Variants in PPFIA4 observed in about 807,000 individuals in gnomAD.
PPFIA4 encodes the protein PPFI scaffold protein A4.
In PPFIA4, 98 loss-of-function variants were observed where a neutral mutation model predicts 145.7. The observed-to-expected ratio is 0.67, with a 90% CI of 0.57 to 0.80. The LOEUF (loss-of-function observed/expected upper bound fraction) is 0.80, where lower values mean the gene tolerates loss of function less well. Ranked by LOEUF, PPFIA4 falls within the 30% of genes least tolerant of loss-of-function variation. PPFIA4 has a pLI of 0.00. For missense variants in PPFIA4, 1,457 were observed against 1,632.7 expected (o/e 0.89, Z 1.85); for synonymous variants, 628 against 649.6 (o/e 0.97, Z 0.51).
chr1:203,076,170 A>G (rs908939734), intron 29 of PPFIA4, 171 bp from the exon 30 acceptor site: 87 of 729,718 alleles, frequency 1.2e-4, no homozygotes, highest in Non-Finnish European at 1.3e-4. Context: ...CTGCCGCTCC[A>G]GTCCCGCTTA....
chr1:203,056,048 T>A lies in PPFIA4; in HGVS notation c.2071-72T>A. The A allele has an allele frequency of 3.3e-6, 5 of 1,512,706 alleles. No individual in the cohort carries two copies. The Admixed American group carries it at 7.1e-5, about 21-fold the overall frequency. The allele number at this position is 1,512,706 out of a possible 1,614,324, so 93.7% of individuals were successfully genotyped here. A position where few individuals can be genotyped will look rare whatever the true frequency, so the allele number is the denominator to read the frequency against. On this transcript the variant is annotated intron_variant, in intron 16 of 29. Transcript: ENST00000295706. ...TCCTATCTTCTCATCCTAAGACCAC[T>A]GGGCTCCCCTGGGGTTGGCTCTAGG...
chr1:203,060,863 C>T lies in PPFIA4; in HGVS notation c.2785-107C>T. The T allele has an allele frequency of 1.0e-6, 1 of 973,526 alleles. No individual in the cohort carries two copies. The highest frequency in any genetic ancestry group is 1.6e-6 in the Non-Finnish European group (1 of 615,838). 60.3% of individuals were successfully genotyped at this position (973,526 alleles called of 1,614,324 possible). On this transcript the variant is annotated intron_variant, in intron 22 of 29. Coordinates refer to ENST00000295706, the MANE Select transcript of PPFIA4 (RefSeq NM_001304331.2). This position sits in a 1 kb window ranked among gnomAD's most constrained non-coding sequence, Gnocchi z 4.8. ...CCATGATTGAGACCAGCCCCCATTT[C>T]AGAGGACTCAGGGAGGGAGCTTTGT...
In PPFIA4 at chr1:203,055,600, C is replaced by T. The variant is rs377116689; in HGVS notation, c.1998C>T (p.Ser666=). 52 of 1,613,922 alleles carry T rather than the reference C, an allele frequency of 3.2e-5. No individual in the cohort carries two copies. The East Asian group carries it at 6.5e-4, about 20-fold the overall frequency. The change falls in exon 16 of 30, where the codon AGC becomes AGT. Residue 666 remains serine, a synonymous_variant. Coordinates refer to ENST00000295706, the MANE Select transcript of PPFIA4 (RefSeq NM_001304331.2). The surrounding 1 kb of genome is among the most constrained non-coding windows in gnomAD (Gnocchi z 4.8). ...LSLASASPPL[S]GRSTPKLTSR... is the part of the protein sequence containing the mutation. Reference sequence around the variant, plus strand: ...TGGCCAGCGCGTCCCCACCACTCAGCGGCCGCTCCACACCTAAGCTCACCT... The same window carrying T: ...TGGCCAGCGCGTCCCCACCACTCAGTGGCCGCTCCACACCTAAGCTCACCT...
At chr1:203,041,507 G>T (rs988452318) in intron 2 of PPFIA4, among the ~76,000 whole-genome samples, 2 of 152,198 alleles carry the variant, frequency 1.3e-5, no homozygotes, top group Non-Finnish European at 2.9e-5. Flanking sequence ...TGGGAGGATC[G>T]CCTGAGCCCA....
intron 1 of PPFIA4, among the ~76,000 whole-genome samples, chr1:203,028,043 G>T (rs1050163426): frequency 1.6e-4 from 25 of 152,260 alleles, no homozygotes; most frequent in African/African-American, 6.0e-4. Flanking sequence ...GAGGCTTCGT[G>T]GGGTAAACGG....
chr1:203,076,462 T>G lies in PPFIA4; in HGVS notation c.*72T>G. ...CTCTGGCCCTGACCCCTCTTGCTCG[T>G]TCCCCTTCCTTCCGCAGCTCCTAGT... On this transcript the variant is annotated 3_prime_UTR_variant, in exon 30 of 30. Transcript: ENST00000295706. 2 of 1,389,496 alleles carry G rather than the reference T, an allele frequency of 1.4e-6. No homozygotes were observed. Among genetic ancestry groups the G allele is most frequent in the Non-Finnish European group, 2.0e-6 (2 of 987,262 alleles). 86.1% of individuals were successfully genotyped at this position (1,389,496 alleles called of 1,614,324 possible). A position where few individuals can be genotyped will look rare whatever the true frequency, so the allele number is the denominator to read the frequency against.
intron 14 of PPFIA4, 82 bp from the exon 15 acceptor site, chr1:203,053,671 G>A: frequency 1.7e-6 from 2 of 1,178,294 alleles, no homozygotes; most frequent in Non-Finnish European, 2.5e-6. Context: ...TGCCAGTGCT[G>A]GTGGGTAGAG....
intron 14 of PPFIA4, among the ~76,000 whole-genome samples, chr1:203,053,499 C>T (rs1030204026): frequency 1.3e-5 from 2 of 149,782 alleles, no homozygotes; most frequent in African/African-American, 2.5e-5. Context: ...CGCCACTGCC[C>T]TCCAGCCTGG....
In PPFIA4 at chr1:203,056,834, A is replaced by T; in HGVS notation, c.2291A>T (p.Asp764Val). 1 of 1,613,830 alleles carries T rather than the reference A, an allele frequency of 6.2e-7. No homozygotes were observed. Among genetic ancestry groups the T allele is most frequent in the Non-Finnish European group, 8.5e-7 (1 of 1,179,844 alleles). The change falls in exon 19 of 30, where the codon GAC becomes GTC. Residue 764 changes from aspartate (D) to valine (V), a missense_variant. Around this residue, in one of 3 missense-constraint regions of PPFIA4, gnomAD observed 848 missense variants for 1,046.7 expected, o/e 0.81. Coordinates refer to ENST00000295706, the MANE Select transcript of PPFIA4 (RefSeq NM_001304331.2). ...SNPSSSNSSQ[D>V]SLHKGAKRKG... ...CCCAGCAGCAGCAACAGCAGCCAGG[A>T]CTCCCTGCACAAGGGCGCCAAGCGC...
intron 24 of PPFIA4, chr1:203,063,363 T>C (rs910786330): frequency 2.4e-5 from 4 of 163,422 alleles, no homozygotes; most frequent in African/African-American, 7.2e-5. Context: ...TTTAACTTCC[T>C]TGCTTCCTCC....
chr1:203,043,493 A>G lies in PPFIA4; in HGVS notation c.331A>G (p.Thr111Ala), dbSNP rs1287001456. 6.2e-7 allele frequency: 1 copy of G among 1,606,936 alleles called. No homozygotes were observed. Among genetic ancestry groups the G allele is most frequent in the Admixed American group, 1.7e-5 (1 of 59,058 alleles). Residue 111 changes from threonine to alanine, a missense_variant, in exon 3 of 30, where the codon ACA (threonine) becomes GCA (alanine). By Grantham distance (58) the Thr-to-Ala change is moderately conservative. Coordinates refer to ENST00000295706, the MANE Select transcript of PPFIA4 (RefSeq NM_001304331.2). The surrounding 1 kb of genome is among the most constrained non-coding windows in gnomAD (Gnocchi z 4.4). ...ISELKAERNN[T>A]RLLLEHLECL... is the part of the protein sequence containing the mutation. ...AGAACTGAAAGCAGAACGGAATAAC[A>G]CACGGGTAAGTGGGGATGACCTTGT...
chr1:203,044,184 T>C, intron 4 of PPFIA4, 89 bp downstream of exon 4: 1 of 1,404,400 alleles, frequency 7.1e-7, no homozygotes, highest in South Asian at 1.4e-5. Context: ...ACATCCGGTA[T>C]TTAGGGAGCA....
In PPFIA4 at chr1:203,052,053, C is replaced by CCG. The variant is rs1553257084; in HGVS notation, c.1620+177_1620+178insGC. The stretch of plus-strand genomic sequence containing the variant: ...TCAGCTGCAACAGCTGTGCCCCCCC[C>CCG]CCCGCTTGCCTTGGCCTCCTGGTGG... On this transcript the variant is annotated intron_variant, in intron 14 of 29. Coordinates refer to ENST00000295706, the MANE Select transcript of PPFIA4 (RefSeq NM_001304331.2). 2.7e-5 allele frequency among the ~76,000 whole-genome samples: 4 copies of CCG among 145,704 alleles called. 1 individual carries two copies. Among genetic ancestry groups the CCG allele is most frequent in the African/African-American group, 1.0e-4 (4 of 38,846 alleles).
At chr1:203,069,755 A>ACCCTCCCCCCCCCCCC (rs1553260595) in intron 27 of PPFIA4, among the ~76,000 whole-genome samples, 4 of 104,764 alleles carry the variant, frequency 3.8e-5, no homozygotes, top group Admixed American at 2.0e-4. Context: ...TTCTGCAGTG[A>ACCCTCCCCCCCCCCCC]CCCCCCCGCC....
rs750522971 is a variant in PPFIA4, at chr1:203,045,824, G to T, written c.859-17G>T. 1 of 1,612,664 alleles carries T rather than the reference G, an allele frequency of 6.2e-7. No individual in the cohort carries two copies. The highest frequency in any genetic ancestry group is 8.5e-7 in the Non-Finnish European group (1 of 1,179,872). ...GGAAAGGCTGGTTACCGTCCTTCTT[G>T]TCCCCTCTTCTCCCAGGCTCTGGCC... On this transcript the variant is annotated splice_polypyrimidine_tract_variant and intron_variant, in intron 7 of 29. Transcript: ENST00000295706.
At chr1:203,057,990 G>A (rs1661091552) in intron 19 of PPFIA4, among the ~76,000 whole-genome samples, 1 of 152,168 alleles carries the variant, frequency 6.6e-6, no homozygotes, top group African/African-American at 2.4e-5. Context: ...GGAGTGGGGA[G>A]ATGGGACTGG....
rs1405224104 is a variant in PPFIA4, at chr1:203,043,460, G to C, written c.298G>C (p.Glu100Gln). 1 of 1,611,436 alleles carries C rather than the reference G, an allele frequency of 6.2e-7. No individual in the cohort carries two copies. The highest frequency in any genetic ancestry group is 1.3e-5 in the African/African-American group (1 of 74,914). ...CREQLLEREEEISELKAERNN... is the reference protein window; with the variant it reads ...CREQLLEREEQISELKAERNN... The stretch of plus-strand genomic sequence containing the variant: ...GGAGCAGCTTCTAGAGCGGGAGGAA[G>C]AGATATCAGAACTGAAAGCAGAACG... The change falls in exon 3 of 30, where the codon GAG (glutamate) becomes CAG (glutamine). Residue 100 changes from glutamate to glutamine, a missense_variant. Glu to Gln is a conservative substitution (Grantham distance 29, BLOSUM62 2). Transcript: ENST00000295706. The surrounding 1 kb of genome is among the most constrained non-coding windows in gnomAD (Gnocchi z 4.4).
rs944774654 is a variant in PPFIA4, at chr1:203,050,328, A to G, written c.1511+561A>G. ...ATCTCCTAATGCTTGAATTAGGCCC[A>G]TGTTTAGGGAACCTCGGGATTTCCC... On this transcript the variant is annotated intron_variant, in intron 13 of 29. Coordinates refer to ENST00000295706, the MANE Select transcript of PPFIA4 (RefSeq NM_001304331.2). Among the ~76,000 whole-genome samples, 7 of 152,284 alleles carry G rather than the reference A, an allele frequency of 4.6e-5. No individual in the cohort carries two copies. In the South Asian group the frequency reaches 1.5e-3, roughly 32 times the overall value.
intron 2 of PPFIA4, among the ~76,000 whole-genome samples, chr1:203,041,108 G>A (rs553931628): frequency 6.6e-6 from 1 of 152,356 alleles, no homozygotes; most frequent in South Asian, 2.1e-4. Context: ...TTTGAGATGG[G>A]CTTTGAAGGA....
Sources: allele counts gnomAD v4.1 joint callset (sites outside exome capture counted in the v4.1 genomes callset), GRCh38; gene constraint gnomAD v4.1.1; regional missense constraint gnomAD v4.1.1; non-coding constraint Gnocchi (gnomAD v3.1); transcripts MANE v1.5; gene names NCBI Gene and HGNC (gene_info 2026-07-23, HGNC 2026-07-21).